The following WDFY4 variants were observed in gnomAD, a reference collection of about 807,000 sequenced individuals.
WDFY4 encodes WDFY family member 4, also known as WD repeat- and FYVE domain-containing protein 4.
A neutral mutation model predicts 351.9 loss-of-function variants in WDFY4; 169 were observed. The observed-to-expected ratio is 0.48, with a 90% confidence interval of 0.42 to 0.55. The LOEUF (loss-of-function observed/expected upper bound fraction) is 0.55. Ranked by LOEUF, WDFY4 falls within the 20% of genes least tolerant of loss-of-function variation. WDFY4 has a pLI of 0.00. For synonymous variants in WDFY4, 1,622 were observed against 1,574.6 expected (o/e 1.03, Z -0.71); for missense variants, 3,803 against 3,935.6 (o/e 0.97, Z 0.90).
At chr10:48,866,222 A>T (rs142297174) in intron 39 of WDFY4, among the ~76,000 whole-genome samples, 25 of 152,144 alleles carry the variant, frequency 1.6e-4, no homozygotes, top group African/African-American at 5.8e-4. Context: ...ATTGGCATTT[A>T]TAACTATGAG....
chr10:48,822,526 C>T lies in WDFY4; in HGVS notation c.5971C>T (p.His1991Tyr). ...PRHILLFILE[H>Y]IMVVIETASS... ...GCATATCCTCCTCTTCATCCTGGAG[C>T]ACATCATGGTGGTAAGAGCTGCTCA... Residue 1991 changes from histidine (H) to tyrosine (Y), a missense_variant, in exon 35 of 62, where the codon CAC becomes TAC. Coordinates refer to ENST00000325239, the MANE Select transcript of WDFY4 (RefSeq NM_001394531.1). 6.5e-7 allele frequency: 1 copy of T among 1,543,842 alleles called. No homozygotes were observed. Among genetic ancestry groups the T allele is most frequent in the South Asian group, 1.2e-5 (1 of 82,292 alleles).
intron 12 of WDFY4, among the ~76,000 whole-genome samples, chr10:48,753,948 T>C (rs2065255041): frequency 6.6e-6 from 1 of 152,230 alleles, no homozygotes; most frequent in African/African-American, 2.4e-5. Context: ...TATCTATTTC[T>C]AGTTTTTGGA....
chr10:48,805,230 C>G lies in WDFY4; in HGVS notation c.4485-30C>G, dbSNP rs2067213040. On this transcript the variant is annotated intron_variant, in intron 25 of 61. Transcript: ENST00000325239. The stretch of plus-strand genomic sequence containing the variant: ...CAAATTTGGTTCATTCCAGTAAAAG[C>G]TTTTACTGTCTCTCTCCTGTACTCA... 3.9e-6 allele frequency: 6 copies of G among 1,526,646 alleles called. No homozygotes were observed. The Admixed American group carries it at 1.0e-4, about 26-fold the overall frequency. 94.6% of individuals were successfully genotyped at this position (1,526,646 alleles called of 1,614,324 possible).
intron 49 of WDFY4, among the ~76,000 whole-genome samples, chr10:48,945,218 A>G (rs979492661): frequency 3.3e-5 from 5 of 152,214 alleles, no homozygotes; most frequent in African/African-American, 1.2e-4. Context: ...TCTATCAAAA[A>G]TGCAAAAATT....
chr10:48,888,356 T>G (rs1440972384), intron 43 of WDFY4, among the ~76,000 whole-genome samples: 1 of 151,056 alleles, frequency 6.6e-6, no homozygotes, highest in African/African-American at 2.4e-5. Context: ...TTTTTCTTCT[T>G]TTTGCTTTCC....
intron 16 of WDFY4, 129 bp downstream of exon 16, chr10:48,777,113 G>T (rs1476409103): frequency 7.4e-6 from 9 of 1,208,666 alleles, no homozygotes; most frequent in Non-Finnish European, 1.0e-5. Context: ...AAATGTCTGG[G>T]TCATGGACAC....
At chr10:48,785,058 C>T (rs1005344172) in intron 19 of WDFY4, among the ~76,000 whole-genome samples, 11 of 151,378 alleles carry the variant, frequency 7.3e-5, no homozygotes, top group African/African-American at 2.4e-4. Context: ...GACAGGGTTT[C>T]ACCATGTTAG....
chr10:48,752,682 T>G (rs1170423083), intron 12 of WDFY4, among the ~76,000 whole-genome samples: 5 of 152,268 alleles, frequency 3.3e-5, no homozygotes, highest in African/African-American at 1.2e-4. Context: ...TTTTTGAGAT[T>G]CATTTACATT....
chr10:48,915,563 A>G (rs2133528528), intron 47 of WDFY4, among the ~76,000 whole-genome samples: 1 of 152,264 alleles, frequency 6.6e-6, no homozygotes, highest in East Asian at 1.9e-4. Context: ...CTTTTATTAG[A>G]ACCCAAGTTG....
chr10:48,686,136 G>C (rs2063040018), intron 1 of WDFY4, among the ~76,000 whole-genome samples: 1 of 152,028 alleles, frequency 6.6e-6, no homozygotes, highest in African/African-American at 2.4e-5. Context: ...TCCATCCTGA[G>C]CACATGGGCT....
chr10:48,946,220 T>C (rs1841036816), intron 50 of WDFY4, 63 bp downstream of exon 50: 1 of 1,270,202 alleles, frequency 7.9e-7, no homozygotes, highest in Admixed American at 2.3e-5. Context: ...AAAATGATAG[T>C]TGATAACAAT....
At chr10:48,768,487 T>C (rs1204896463) in intron 13 of WDFY4, among the ~76,000 whole-genome samples, 5 of 152,182 alleles carry the variant, frequency 3.3e-5, no homozygotes. Flanking sequence ...AAAGCCCATT[T>C]TCCTCACCTG....
intron 35 of WDFY4, chr10:48,823,393 A>T (rs768895008): frequency 1.4e-5 from 17 of 1,218,424 alleles, no homozygotes; most frequent in Non-Finnish European, 1.8e-5. Context: ...CTGCAGCAGA[A>T]TTAGGAGGAC....
chr10:48,953,186 G>T (rs1196646548), intron 51 of WDFY4, among the ~76,000 whole-genome samples: 2 of 152,116 alleles, frequency 1.3e-5, no homozygotes, highest in African/African-American at 4.8e-5. Flanking sequence ...CTGAGATCAG[G>T]GCCCAAGCCC....
chr10:48,893,398 A>C (rs1836913229), intron 44 of WDFY4, among the ~76,000 whole-genome samples: 1 of 152,196 alleles, frequency 6.6e-6, no homozygotes, highest in Non-Finnish European at 1.5e-5. Context: ...ACACGGTTCT[A>C]CCCATGACAA....
At chr10:48,824,255 C>T (rs2067922245) in intron 35 of WDFY4, 18 of 919,066 alleles carry the variant, frequency 2.0e-5, no homozygotes, top group Non-Finnish European at 2.3e-5. Context: ...TGACCCTTAG[C>T]CTCTTATCCG....
At chr10:48,891,512 G>T (rs2070695263) in intron 44 of WDFY4, among the ~76,000 whole-genome samples, 1 of 152,212 alleles carries the variant, frequency 6.6e-6, no homozygotes, top group South Asian at 2.1e-4. Flanking sequence ...GAAGATATTT[G>T]GATGAAGAGT....
rs938019912 is a variant in WDFY4 at position 48,776,977 on chromosome 10, G to T, written c.3091G>T (p.Gly1031Cys). 15 of 1,551,370 alleles carry T rather than the reference G, an allele frequency of 9.7e-6. No homozygotes were observed. The highest frequency in any genetic ancestry group is 1.3e-5 in the Non-Finnish European group (15 of 1,146,836). ...TGTGGAATTTGACATGTCCGTGGAA[G>T]GTTATGGGTATGACAGGCTTTCACA... ...SFVEFDMSVE[G>C]YGCLFIPTLS... Residue 1031 changes from glycine (G) to cysteine (C), a missense_variant, in exon 16 of 62, where the codon GGT (glycine) becomes TGT (cysteine). Transcript: ENST00000325239.
intron 1 of WDFY4, among the ~76,000 whole-genome samples, chr10:48,707,275 C>A (rs796900209): frequency 1.8e-4 from 28 of 152,224 alleles, no homozygotes; most frequent in African/African-American, 6.3e-4. Flanking sequence ...TGATGCCAAG[C>A]AGGGTGGTAA....
Sources: gnomAD v4.1 joint callset for allele counts (sites outside exome capture counted in the v4.1 genomes callset) on GRCh38, gnomAD v4.1.1 for gene constraint, MANE v1.5 for transcripts, NCBI Gene and HGNC (gene_info 2026-07-23, HGNC 2026-07-21) for gene names.